ZDBF2: variants seen among roughly 807,000 people sequenced by gnomAD.
The protein encoded by ZDBF2 is DBF4-type zinc finger-containing protein 2.
Under a neutral mutation model 9.4 loss-of-function variants are expected in ZDBF2, and 6 were observed. The observed-to-expected ratio is 0.64, with a 90% CI of 0.35 to 1.27. The LOEUF is 1.27. Among genes scored for constraint, ZDBF2 ranks in the 50% most tolerant of loss-of-function variants. The pLI, the probability that ZDBF2 is intolerant of heterozygous loss-of-function variation, is 0.03. For synonymous variants in ZDBF2, 905 were observed against 946.3 expected (o/e 0.96, Z 0.80); for missense variants, 2,697 against 2,766.8 (o/e 0.97, Z 0.57).
chr2:206,283,812 C>T (rs1427947792), intron 3 of ZDBF2, among the ~76,000 whole-genome samples: 1 of 152,006 alleles, frequency 6.6e-6, no homozygotes, highest in East Asian at 1.9e-4. Flanking sequence ...TACTGGTGTG[C>T]ACCACCGTAC....
At position 206,305,409 on chromosome 2, in the gene ZDBF2, C is replaced by G. The variant is rs1381344832; in HGVS notation, c.881C>G (p.Thr294Ser). 5.0e-6 allele frequency: 8 copies of G among 1,613,418 alleles called. No homozygotes were observed. The South Asian group carries it at 8.8e-5, about 18-fold the overall frequency. ...AGLKFHERMGTKGSLRVKSPS... is the reference protein window; with the variant it reads ...AGLKFHERMGSKGSLRVKSPS... Reference sequence around the variant, plus strand: ...TTGAAATTCCATGAACGCATGGGTACTAAGGGCTCCTTAAGAGTTAAATCT... The same window carrying G: ...TTGAAATTCCATGAACGCATGGGTAGTAAGGGCTCCTTAAGAGTTAAATCT... The change falls in exon 5 of 5, where the codon ACT becomes AGT. Residue 294 changes from threonine (T) to serine (S), a missense_variant. Thr to Ser is a moderately conservative substitution (Grantham distance 58). Transcript: ENST00000374423.
intron 4 of ZDBF2, among the ~76,000 whole-genome samples, chr2:206,297,842 G>A (rs1179615416): frequency 6.6e-6 from 1 of 152,080 alleles, no homozygotes; most frequent in Admixed American, 6.5e-5. Context: ...ACCACGCCTG[G>A]CTAATTTTTT....
chr2:206,314,070 CATTAA>C lies in ZDBF2; in HGVS notation c.*2481_*2485del, dbSNP rs1479532578. ...TGATGTTTTTGTGTGTTCAAGAATG[CATTAA>C]ATTCTTTTAATAGTAAAAAGTCAAA... On this transcript the variant is annotated 3_prime_UTR_variant, in exon 5 of 5. Coordinates refer to ENST00000374423, the MANE Select transcript of ZDBF2 (RefSeq NM_020923.3). 6.6e-6 allele frequency: 1 copy of C among 152,128 alleles called. No individual in the cohort carries two copies. The highest frequency in any genetic ancestry group is 1.5e-5 in the Non-Finnish European group (1 of 68,000). The allele number at this position is 152,128 out of a possible 1,614,324, so 9.4% of individuals were successfully genotyped here. A position where few individuals can be genotyped will look rare whatever the true frequency, so the allele number is the denominator to read the frequency against.
chr2:206,310,160 T>C lies in ZDBF2; in HGVS notation c.5632T>C (p.Trp1878Arg). ...VSSKGKKKVT[W>R]ADLQGKEDTA... ...TTCGAAGGGGAAAAAAAAGGTTACC[T>C]GGGCTGACTTGCAAGGTAAGGAGGA... is the stretch of plus-strand genomic sequence containing the variant. The change falls in exon 5 of 5, where the codon TGG becomes CGG. Residue 1878 changes from tryptophan (W) to arginine (R), a missense_variant. Trp to Arg is a moderately radical substitution (Grantham distance 101). Around this residue, in one of 3 missense-constraint regions of ZDBF2, gnomAD observed 1,783 missense variants for 1,776.5 expected, o/e 1.00. Transcript: ENST00000374423. The C allele has an allele frequency of 6.2e-7, 1 of 1,613,698 alleles. No homozygotes were observed. Among genetic ancestry groups the C allele is most frequent in the Non-Finnish European group, 8.5e-7 (1 of 1,179,770 alleles).
chr2:206,298,534 G>A (rs538259197), intron 4 of ZDBF2, among the ~76,000 whole-genome samples: 1 of 152,098 alleles, frequency 6.6e-6, no homozygotes, highest in African/African-American at 2.4e-5. Flanking sequence ...TTTTGTTTTT[G>A]TTTTTTGAGA....
At position 206,296,645 on chromosome 2, in the gene ZDBF2, C is replaced by T. The variant is rs1390449717; in HGVS notation, c.61-601C>T. Among the ~76,000 whole-genome samples the T allele has an allele frequency of 2.0e-5, 3 of 152,144 alleles. No individual in the cohort carries two copies. The East Asian group carries it at 5.8e-4, about 29-fold the overall frequency. On this transcript the variant is annotated intron_variant, in intron 3 of 4. Transcript: ENST00000374423. ...GGACTACTGTAATTTCTTCCATTTA[C>T]TTGTCTGTATGTTTTTAAACTGTAG...
intron 3 of ZDBF2, among the ~76,000 whole-genome samples, chr2:206,285,035 T>G (rs962976523): frequency 2.0e-5 from 3 of 152,160 alleles, no homozygotes; most frequent in Non-Finnish European, 4.4e-5. Context: ...GGCCCCTTTT[T>G]TCTTTTATCT....
At chr2:206,275,871 GA>G (rs1690971935) in intron 1 of ZDBF2, among the ~76,000 whole-genome samples, 2 of 152,174 alleles carry the variant, frequency 1.3e-5, no homozygotes, top group Admixed American at 1.3e-4. Context: ...TTAATACGTG[GA>G]AGACCTTTTC....
chr2:206,296,368 C>T (rs977195210), intron 3 of ZDBF2, among the ~76,000 whole-genome samples: 1 of 152,172 alleles, frequency 6.6e-6, no homozygotes, highest in African/African-American at 2.4e-5. Context: ...CAGTAGCTGT[C>T]TTGGTTATTA....
At position 206,307,079 on chromosome 2, in the gene ZDBF2, G is replaced by A; in HGVS notation, c.2551G>A (p.Val851Ile). ...NDHPEVAVKE[V>I]IQKEEYIHLE... ...TCACCCTGAAGTAGCTGTTAAAGAA[G>A]TAATTCAGAAAGAAGAGTACATTCA... is the stretch of plus-strand genomic sequence containing the variant. Residue 851 changes from valine (V) to isoleucine (I), a missense_variant, in exon 5 of 5, where the codon GTA becomes ATA. Physicochemically the swap from Val to Ile is conservative, Grantham distance 29. Coordinates refer to ENST00000374423, the MANE Select transcript of ZDBF2 (RefSeq NM_020923.3). The A allele has an allele frequency of 6.2e-7, 1 of 1,611,692 alleles. No homozygotes were observed. The highest frequency in any genetic ancestry group is 8.5e-7 in the Non-Finnish European group (1 of 1,179,228).
At chr2:206,277,336 ATGCTG>A (rs1453481421) in intron 1 of ZDBF2, among the ~76,000 whole-genome samples, 1 of 151,706 alleles carries the variant, frequency 6.6e-6, no homozygotes, top group Non-Finnish European at 1.5e-5. Flanking sequence ...CAAAAACAAA[ATGCTG>A]TTTTATTTGT....
rs1692689723 is a variant in ZDBF2, at chr2:206,304,894, T to A, written c.366T>A (p.His122Gln). 2.5e-6 allele frequency: 4 copies of A among 1,613,738 alleles called. No individual in the cohort carries two copies. The highest frequency in any genetic ancestry group is 3.4e-6 in the Non-Finnish European group (4 of 1,179,788). ...EPIEELHSRPHKSQEGTQEVS... is the reference protein window; with the variant it reads ...EPIEELHSRPQKSQEGTQEVS... ...TTGAAGAGTTACATTCCAGACCTCA[T>A]AAATCTCAGGAAGGCACGCAGGAGG... The change falls in exon 5 of 5, where the codon CAT becomes CAA. Residue 122 changes from histidine (H) to glutamine (Q), a missense_variant. Transcript: ENST00000374423.
In ZDBF2 at chr2:206,308,537, C is replaced by G; in HGVS notation, c.4009C>G (p.Leu1337Val). Residue 1337 changes from leucine (L) to valine (V), a missense_variant, in exon 5 of 5, where the codon CTT becomes GTT. Leu to Val is a conservative substitution (Grantham distance 32). Transcript: ENST00000374423. ...AATAATTTATGTTTCAAATATCCCTCTTCAGTCAGTGATAAAACAACCACA... is the reference window on the plus strand; with the variant it reads ...AATAATTTATGTTTCAAATATCCCTGTTCAGTCAGTGATAAAACAACCACA... ...SEIIYVSNIP[L>V]QSVIKQPHIL... 1 of 1,613,510 alleles carries G rather than the reference C, an allele frequency of 6.2e-7. No homozygotes were observed. Among genetic ancestry groups the G allele is most frequent in the Non-Finnish European group, 8.5e-7 (1 of 1,179,778 alleles).
At position 206,308,645 on chromosome 2, in the gene ZDBF2, T is replaced by C. The variant is rs769511349; in HGVS notation, c.4117T>C (p.Ser1373Pro). 1 of 1,612,640 alleles carries C rather than the reference T, an allele frequency of 6.2e-7. No homozygotes were observed. Among genetic ancestry groups the C allele is most frequent in the South Asian group, 1.1e-5 (1 of 91,080 alleles). Residue 1373 changes from serine to proline, a missense_variant, in exon 5 of 5, where the codon TCT becomes CCT. By Grantham distance (74) the Ser-to-Pro change is moderately conservative. Transcript: ENST00000374423. ...SPEESSDSND[S>P]FQAAADELQK... Reference sequence around the variant, plus strand: ...TGAAGAAAGTTCTGATTCCAATGACTCTTTTCAGGCAGCAGCAGATGAGCT... The same window carrying C: ...TGAAGAAAGTTCTGATTCCAATGACCCTTTTCAGGCAGCAGCAGATGAGCT...
At chr2:206,281,361 G>T (rs1256641814) in intron 2 of ZDBF2, among the ~76,000 whole-genome samples, 2 of 152,172 alleles carry the variant, frequency 1.3e-5, no homozygotes, top group Non-Finnish European at 2.9e-5. Flanking sequence ...GCCATGTGGT[G>T]TCTTTACACT....
Position 206,305,644 on chromosome 2 carries a change from G to T in ZDBF2, c.1116G>T (p.Gln372His). ...SEMKFDCISL[Q>H]SASDQPQETA... Reference sequence around the variant, plus strand: ...TGAAGTTTGATTGTATCTCTCTTCAGTCAGCATCTGATCAGCCCCAAGAGA... The same window carrying T: ...TGAAGTTTGATTGTATCTCTCTTCATTCAGCATCTGATCAGCCCCAAGAGA... The change falls in exon 5 of 5, where the codon CAG (glutamine) becomes CAT (histidine). Residue 372 changes from glutamine (Q) to histidine (H), a missense_variant. Gln to His is a conservative substitution (Grantham distance 24). This residue lies in a region of ZDBF2 where 910 missense variants were observed against 973.6 expected (regional missense o/e 0.93). Coordinates refer to ENST00000374423, the MANE Select transcript of ZDBF2 (RefSeq NM_020923.3). The T allele has an allele frequency of 3.1e-6, 5 of 1,613,696 alleles. No homozygotes were observed. Among genetic ancestry groups the T allele is most frequent in the Non-Finnish European group, 4.2e-6 (5 of 1,179,802 alleles).
Position 206,310,190 on chromosome 2 carries a change from G to C in ZDBF2, c.5662G>C (p.Ala1888Pro). Residue 1888 changes from alanine to proline, a missense_variant, in exon 5 of 5, where the codon GCA (alanine) becomes CCA (proline). Coordinates refer to ENST00000374423, the MANE Select transcript of ZDBF2 (RefSeq NM_020923.3). ...TGACTTGCAAGGTAAGGAGGACACT[G>C]CACCAACTCAAGCTGTGTCAGAGAG... is the stretch of plus-strand genomic sequence containing the variant. Reference protein sequence around the residue: ...WADLQGKEDTAPTQAVSESDD... With the variant: ...WADLQGKEDTPPTQAVSESDD... 1 of 1,613,994 alleles carries C rather than the reference G, an allele frequency of 6.2e-7. No homozygotes were observed. Among genetic ancestry groups the C allele is most frequent in the African/African-American group, 1.3e-5 (1 of 75,048 alleles).
chr2:206,294,090 A>C (rs1313417156), intron 3 of ZDBF2, among the ~76,000 whole-genome samples: 3 of 152,206 alleles, frequency 2.0e-5, no homozygotes, highest in Non-Finnish European at 4.4e-5. Context: ...AATATGTATG[A>C]ATATCACATA....
intron 4 of ZDBF2, among the ~76,000 whole-genome samples, chr2:206,298,888 C>CT (rs879904046): frequency 1.2e-3 from 182 of 146,728 alleles, no homozygotes; most frequent in Non-Finnish European, 2.0e-3. Flanking sequence ...TTTTTTTTTT[C>CT]TTTTTTTTTT....
Sources: gnomAD v4.1 joint callset for allele counts (sites outside exome capture counted in the v4.1 genomes callset) on GRCh38, gnomAD v4.1.1 for gene constraint, gnomAD v4.1.1 regional missense constraint, MANE v1.5 for transcripts, NCBI Gene and HGNC (gene_info 2026-07-23, HGNC 2026-07-21) for gene names.